The following CCDC110 variants were observed in gnomAD, a reference collection of about 807,000 sequenced individuals.
CCDC110 encodes coiled-coil domain-containing protein 110.
CCDC110 carries 70 observed loss-of-function variants against 77.1 expected under a neutral mutation model. That is an observed-to-expected ratio of 0.91 (90% CI 0.75 to 1.11). The LOEUF (loss-of-function observed/expected upper bound fraction) is 1.11, where lower values mean the gene tolerates loss of function less well. Ranked by LOEUF, CCDC110 falls within the 50% of genes least tolerant of loss-of-function variation. CCDC110 has a pLI of 0.00. For missense variants in CCDC110, 868 were observed against 942.9 expected, an observed-to-expected ratio of 0.92 and a Z score of 1.04; for synonymous variants, 295 against 312.5, an observed-to-expected ratio of 0.94 and a Z score of 0.59.
rs191607254 is a variant in CCDC110 at position 185,458,175 on chromosome 4, G to T, written c.2412C>A (p.His804Gln). The T allele has an allele frequency of 6.3e-7, 1 of 1,599,370 alleles. No homozygotes were observed. Among genetic ancestry groups the T allele is most frequent in the African/African-American group, 1.4e-5 (1 of 74,032 alleles). The change falls in exon 6 of 7, where the codon CAC becomes CAA. Residue 804 changes from histidine to glutamine, a missense_variant. Transcript: ENST00000307588. ...TACTCTGAGGACTAGAAGTATCTTC[G>T]TGAGTATAGTTGTCAAAATGGAATT... ...REKFHFDNYTHEDTSSPQSRP... is the reference protein window; with the variant it reads ...REKFHFDNYTQEDTSSPQSRP...
rs769537345 is a variant in CCDC110 at position 185,471,096 on chromosome 4, G to C, written c.11-47C>G. On this transcript the variant is annotated intron_variant, in intron 1 of 6. Coordinates refer to ENST00000307588, the MANE Select transcript of CCDC110 (RefSeq NM_152775.4). Reference sequence around the variant, plus strand: ...CTGTTCTGTCGCGGGTCGTGGCGTGGCGGGGCTGAAGGTGGGGGCGGGGCA... The same window carrying C: ...CTGTTCTGTCGCGGGTCGTGGCGTGCCGGGGCTGAAGGTGGGGGCGGGGCA... The C allele has an allele frequency of 5.9e-6, 6 of 1,012,968 alleles. No individual in the cohort carries two copies. In the East Asian group the frequency reaches 9.7e-5, roughly 16 times the overall value. 62.7% of individuals were successfully genotyped at this position (1,012,968 alleles called of 1,614,324 possible). A position where few individuals can be genotyped will look rare whatever the true frequency, so the allele number is the denominator to read the frequency against.
chr4:185,446,933 A>C (rs533452841), intron 6 of CCDC110, among the ~76,000 whole-genome samples: 1 of 152,130 alleles, frequency 6.6e-6, no homozygotes, highest in South Asian at 2.1e-4. Flanking sequence ...ATTTTCATGC[A>C]TCTTTTTTTT....
At chr4:185,457,201 A>G (rs1191133380) in intron 6 of CCDC110, 2 of 454,568 alleles carry the variant, frequency 4.4e-6, no homozygotes, top group African/African-American at 4.0e-5. Flanking sequence ...AGAATTCAAC[A>G]AGGAATATTT....
chr4:185,460,823 A>G, intron 5 of CCDC110: 1 of 456,678 alleles, frequency 2.2e-6, no homozygotes, highest in Admixed American at 3.2e-5. Context: ...CACGATCTGG[A>G]CTAAGTCAAA....
chr4:185,448,604 A>G (rs2095621608), intron 6 of CCDC110, among the ~76,000 whole-genome samples: 2 of 152,182 alleles, frequency 1.3e-5, no homozygotes, highest in African/African-American at 4.8e-5. Flanking sequence ...CAGGAATACT[A>G]TTCTCTGTGG....
chr4:185,449,351 T>C (rs1317142883), intron 6 of CCDC110, among the ~76,000 whole-genome samples: 3 of 152,002 alleles, frequency 2.0e-5, no homozygotes, highest in Non-Finnish European at 4.4e-5. Flanking sequence ...CAAAACTCTG[T>C]CTCTACAAAA....
At chr4:185,466,141 C>A (rs1561169253) in intron 2 of CCDC110, among the ~76,000 whole-genome samples, 1 of 151,970 alleles carries the variant, frequency 6.6e-6, no homozygotes, top group Non-Finnish European at 1.5e-5. Context: ...TTTGGGAGGC[C>A]TAGGCGGGCA....
At chr4:185,466,346 G>C (rs1381109988) in intron 2 of CCDC110, among the ~76,000 whole-genome samples, 1 of 152,052 alleles carries the variant, frequency 6.6e-6, no homozygotes, top group Non-Finnish European at 1.5e-5. Flanking sequence ...CTGCACTCCA[G>C]CCTGGGAGAC....
At position 185,459,206 on chromosome 4, in the gene CCDC110, G is replaced by T; in HGVS notation, c.1381C>A (p.Pro461Thr). 1 of 1,603,554 alleles carries T rather than the reference G, an allele frequency of 6.2e-7. No individual in the cohort carries two copies. The highest frequency in any genetic ancestry group is 8.5e-7 in the Non-Finnish European group (1 of 1,176,884). The change falls in exon 6 of 7, where the codon CCT (proline) becomes ACT (threonine). Residue 461 changes from proline (P) to threonine (T), a missense_variant. Pro to Thr is a conservative substitution (Grantham distance 38). Coordinates refer to ENST00000307588, the MANE Select transcript of CCDC110 (RefSeq NM_152775.4). ...ENLNLKSKMKPLIFTTQSLIQ... is the reference protein window; with the variant it reads ...ENLNLKSKMKTLIFTTQSLIQ... ...AGAGATTGTGTGGTAAAGATAAGAG[G>T]TTTCATTTTGGACTTAAGGTTTAGA...
rs1002785930 is a variant in CCDC110 at position 185,471,015 on chromosome 4, G to A, written c.45C>T (p.Ser15=). 7 of 1,603,188 alleles carry A rather than the reference G, an allele frequency of 4.4e-6. No individual in the cohort carries two copies. In the African/African-American group the frequency reaches 7.1e-5, roughly 16 times the overall value. ...GGATCTTGGACGCTGAAAGGAGAACGGAGTCAACTTCATCCTCTTCCCGGT... is the reference window on the plus strand; with the variant it reads ...GGATCTTGGACGCTGAAAGGAGAACAGAGTCAACTTCATCCTCTTCCCGGT... The part of the protein sequence containing the change: ...KQHREEDEVD[S]VLLSASKILN... Residue 15 remains serine (S), a synonymous_variant, in exon 2 of 7, where the codon TCC becomes TCT. Coordinates refer to ENST00000307588, the MANE Select transcript of CCDC110 (RefSeq NM_152775.4).
chr4:185,470,383 T>C (rs888272235), intron 2 of CCDC110, among the ~76,000 whole-genome samples: 1 of 152,196 alleles, frequency 6.6e-6, no homozygotes, highest in African/African-American at 2.4e-5. Context: ...CCTTATACAA[T>C]GTAAATGCTA....
In CCDC110 at chr4:185,453,543, C is replaced by CT. The variant is rs70962570; in HGVS notation, c.2461+4582dup. Among the ~76,000 whole-genome samples, 770 of 130,894 alleles carry CT rather than the reference C, an allele frequency of 5.9e-3. 16 individuals carry two copies. The East Asian group carries it at 0.075, about 13-fold the overall frequency. 85.9% of individuals were successfully genotyped at this position (130,894 alleles called of 152,430 possible). A position where few individuals can be genotyped will look rare whatever the true frequency, so the allele number is the denominator to read the frequency against. On this transcript the variant is annotated intron_variant, in intron 6 of 6. Coordinates refer to ENST00000307588, the MANE Select transcript of CCDC110 (RefSeq NM_152775.4). ...AGCAGTGGCAAAGCACACAGTCTTG[C>CT]TTTTTTTTTTTTTTTTTTTCCCGAG...
chr4:185,457,380 A>G (rs1309557687), intron 6 of CCDC110: 2 of 452,188 alleles, frequency 4.4e-6, no homozygotes, highest in Non-Finnish European at 8.9e-6. Context: ...TCGGGTTTCT[A>G]AGCTCACTCT....
At position 185,458,152 on chromosome 4, in the gene CCDC110, C is replaced by T. The variant is rs935909595; in HGVS notation, c.2435G>A (p.Ser812Asn). Residue 812 changes from serine to asparagine, a missense_variant, in exon 6 of 7, where the codon AGT becomes AAT. By Grantham distance (46) the Ser-to-Asn change is conservative. Coordinates refer to ENST00000307588, the MANE Select transcript of CCDC110 (RefSeq NM_152775.4). ...YTHEDTSSPQ[S>N]RPLASDLKGY... ...TTTCAAATCCGAAGCCAAAGGCCTA[C>T]TCTGAGGACTAGAAGTATCTTCGTG... 2 of 1,578,684 alleles carry T rather than the reference C, an allele frequency of 1.3e-6. No homozygotes were observed. The highest frequency in any genetic ancestry group is 1.7e-6 in the Non-Finnish European group (2 of 1,169,378).
Position 185,445,470 on chromosome 4 carries a change from C to T in CCDC110, c.*32G>A, listed in dbSNP as rs781029689. ...AGTACAATTAACATTGGCTATTTCTCGAAGGGAGTTTCTTAGCAATCTTGA... is the reference window on the plus strand; with the variant it reads ...AGTACAATTAACATTGGCTATTTCTTGAAGGGAGTTTCTTAGCAATCTTGA... On this transcript the variant is annotated 3_prime_UTR_variant, in exon 7 of 7. Transcript: ENST00000307588. 45 of 1,501,024 alleles carry T rather than the reference C, an allele frequency of 3.0e-5. No individual in the cohort carries two copies. The highest frequency in any genetic ancestry group is 3.8e-5 in the Non-Finnish European group (41 of 1,088,048). The allele number at this position is 1,501,024 out of a possible 1,614,324, so 93.0% of individuals were successfully genotyped here. A position where few individuals can be genotyped will look rare whatever the true frequency, so the allele number is the denominator to read the frequency against.
chr4:185,467,493 A>G (rs1216924759), intron 2 of CCDC110, among the ~76,000 whole-genome samples: 3 of 152,212 alleles, frequency 2.0e-5, no homozygotes, highest in Non-Finnish European at 4.4e-5. Flanking sequence ...TAAACATACA[A>G]TATCGGGAGG....
intron 2 of CCDC110, among the ~76,000 whole-genome samples, chr4:185,469,660 A>C (rs1403133646): frequency 1.3e-5 from 2 of 152,172 alleles, no homozygotes; most frequent in African/African-American, 4.8e-5. Context: ...TCAAGGGTGG[A>C]GGCAGGAGGG....
Position 185,445,338 on chromosome 4 carries a change from C to A in CCDC110, c.*164G>T. On this transcript the variant is annotated 3_prime_UTR_variant, in exon 7 of 7. Transcript: ENST00000307588. The stretch of plus-strand genomic sequence containing the variant: ...CTTCTGAAATTCCCAGCTGAGAAAG[C>A]TTAAGTTATCTGCACCAAACCATTC... 1 of 721,260 alleles carries A rather than the reference C, an allele frequency of 1.4e-6. No individual in the cohort carries two copies. Among genetic ancestry groups the A allele is most frequent in the Non-Finnish European group, 2.2e-6 (1 of 444,714 alleles). 44.7% of individuals were successfully genotyped at this position (721,260 alleles called of 1,614,324 possible).
chr4:185,457,550 C>T lies in CCDC110; in HGVS notation c.2461+576G>A, dbSNP rs533999433. Among the ~76,000 whole-genome samples, 5 of 152,270 alleles carry T rather than the reference C, an allele frequency of 3.3e-5. No individual in the cohort carries two copies. In the South Asian group the frequency reaches 8.3e-4, roughly 25 times the overall value. On this transcript the variant is annotated intron_variant, in intron 6 of 6. Coordinates refer to ENST00000307588, the MANE Select transcript of CCDC110 (RefSeq NM_152775.4). ...GTCTTGTGACTTCCACTAGAACCCA[C>T]AAAACTGTGGCAGGCTAAAATATGA... is the stretch of plus-strand genomic sequence containing the variant.
Sources: gnomAD v4.1 joint callset for allele counts (sites outside exome capture counted in the v4.1 genomes callset) on GRCh38, gnomAD v4.1.1 for gene constraint, MANE v1.5 for transcripts, NCBI Gene and HGNC (gene_info 2026-07-23, HGNC 2026-07-21) for gene names.